The following HPSE2 variants were observed in gnomAD, a reference collection of about 807,000 sequenced individuals.
The protein encoded by HPSE2 is heparanase 2 (inactive).
Under a neutral mutation model 60.5 loss-of-function variants are expected in HPSE2, and 38 were observed. The observed-to-expected ratio is 0.63, with a 90% CI of 0.48 to 0.82. HPSE2 has a LOEUF of 0.82. Among genes scored for constraint, HPSE2 ranks in the 40% least tolerant of loss-of-function variants. The pLI, the probability that HPSE2 is intolerant of heterozygous loss-of-function variation, is 0.00. For missense variants in HPSE2, 713 were observed against 740.4 expected, an observed-to-expected ratio of 0.96 and a Z score of 0.43; for synonymous variants, 295 against 293.2, an observed-to-expected ratio of 1.01 and a Z score of -0.06.
At chr10:99,013,396 G>C in intron 3 of HPSE2, 1 of 549,234 alleles carries the variant, frequency 1.8e-6, no homozygotes, top group Non-Finnish European at 3.4e-6. Flanking sequence ...TGTTAGTATA[G>C]TAAGTGTTTC....
At chr10:98,571,596 C>T (rs939868649) in intron 9 of HPSE2, among the ~76,000 whole-genome samples, 2 of 150,888 alleles carry the variant, frequency 1.3e-5, no homozygotes, top group Non-Finnish European at 2.9e-5. Context: ...CCTAACATAT[C>T]CATAGTAGAC....
intron 9 of HPSE2, among the ~76,000 whole-genome samples, chr10:98,558,875 GCTTA>G (rs1185806158): frequency 6.6e-6 from 1 of 152,106 alleles, no homozygotes; most frequent in Non-Finnish European, 1.5e-5. Flanking sequence ...GTTCATAGTG[GCTTA>G]CTTCTAAGAA....
At chr10:99,050,344 G>A (rs1003033089) in intron 3 of HPSE2, among the ~76,000 whole-genome samples, 1 of 151,718 alleles carries the variant, frequency 6.6e-6, no homozygotes, top group African/African-American at 2.4e-5. Flanking sequence ...AACAAGTGTT[G>A]GTAAGAATGT....
At chr10:98,465,826 T>C (rs1940505224) in intron 11 of HPSE2, among the ~76,000 whole-genome samples, 1 of 152,268 alleles carries the variant, frequency 6.6e-6, no homozygotes. Context: ...CCTGAACTGC[T>C]GAGGGTATTT....
At chr10:98,713,250 CA>C (rs777246708) in intron 5 of HPSE2, among the ~76,000 whole-genome samples, 5 of 152,002 alleles carry the variant, frequency 3.3e-5, no homozygotes, top group Non-Finnish European at 7.4e-5. Flanking sequence ...CAAGAGATTA[CA>C]TTTTATTCTA....
chr10:98,969,944 G>A (rs1349709658), intron 3 of HPSE2, among the ~76,000 whole-genome samples: 1 of 150,082 alleles, frequency 6.7e-6, no homozygotes, highest in Non-Finnish European at 1.5e-5. Flanking sequence ...GGAGCAAGAG[G>A]TGGGGAACAG....
At chr10:99,267,160 C>A in the HPSE2 span, among the ~76,000 whole-genome samples, 4 of 152,022 alleles carry the variant, frequency 2.6e-5, no homozygotes, top group African/African-American at 9.7e-5. Flanking sequence ...AAGACGAAAT[C>A]CCTGAATTAC....
upstream of HPSE2, among the ~76,000 whole-genome samples, chr10:99,238,933 G>T (rs937337358): frequency 6.6e-6 from 1 of 152,116 alleles, no homozygotes; most frequent in African/African-American, 2.4e-5. Flanking sequence ...GCCAAGGCAG[G>T]CGGATCACCT....
intron 6 of HPSE2, among the ~76,000 whole-genome samples, chr10:98,660,922 C>T (rs1184003426): frequency 1.3e-5 from 2 of 152,186 alleles, no homozygotes; most frequent in Non-Finnish European, 2.9e-5. Flanking sequence ...GTTCCATTAT[C>T]CTAATTTTCA....
chr10:98,805,793 A>G (rs1951029157), intron 3 of HPSE2, among the ~76,000 whole-genome samples: 1 of 152,186 alleles, frequency 6.6e-6, no homozygotes, highest in Non-Finnish European at 1.5e-5. Context: ...TTAGACACCC[A>G]GTGGCAAATG....
chr10:99,285,075 G>A, the HPSE2 span, among the ~76,000 whole-genome samples: 1 of 151,904 alleles, frequency 6.6e-6, no homozygotes, highest in East Asian at 1.9e-4. Flanking sequence ...AGAATCAGGG[G>A]CACATGTGCA....
intron 3 of HPSE2, among the ~76,000 whole-genome samples, chr10:98,860,919 T>G (rs1268282840): frequency 1.3e-5 from 2 of 152,172 alleles, no homozygotes; most frequent in African/African-American, 4.8e-5. Context: ...CTTAGGCACA[T>G]ACATAAACAA....
chr10:98,813,870 A>C (rs837746), intron 3 of HPSE2, among the ~76,000 whole-genome samples: 8,503 of 152,294 alleles, frequency 0.056, 757 homozygotes, highest in African/African-American at 0.19. Context: ...AAAACATATT[A>C]AATTCAGAGG....
intron 5 of HPSE2, among the ~76,000 whole-genome samples, chr10:98,718,118 A>G (rs975625491): frequency 1.3e-5 from 2 of 152,172 alleles, no homozygotes; most frequent in South Asian, 2.1e-4. Context: ...TAAAATTGTC[A>G]TTACATAGAT....
At chr10:99,218,280 T>C (rs1033996539) in intron 2 of HPSE2, among the ~76,000 whole-genome samples, 1 of 150,584 alleles carries the variant, frequency 6.6e-6, no homozygotes, top group Non-Finnish European at 1.5e-5. Context: ...AAACTCAGAA[T>C]GTCAGGTAAG....
intron 7 of HPSE2, among the ~76,000 whole-genome samples, chr10:98,633,208 T>C (rs1314305240): frequency 6.6e-6 from 1 of 152,214 alleles, no homozygotes; most frequent in African/African-American, 2.4e-5. Context: ...TATTCCCTTT[T>C]TATTTTTGGA....
At chr10:98,788,599 T>C (rs1298258311) in intron 3 of HPSE2, among the ~76,000 whole-genome samples, 2 of 152,144 alleles carry the variant, frequency 1.3e-5, no homozygotes, top group Non-Finnish European at 2.9e-5. Flanking sequence ...TTAGCGAGAT[T>C]CCGTGGGCGT....
At chr10:98,780,053 T>C (rs992489124) in intron 3 of HPSE2, among the ~76,000 whole-genome samples, 3 of 151,976 alleles carry the variant, frequency 2.0e-5, no homozygotes, top group African/African-American at 7.3e-5. Flanking sequence ...TGAACTAAAA[T>C]TGTTTTCTCT....
chr10:99,055,454 T>C (rs1217669394), intron 3 of HPSE2, among the ~76,000 whole-genome samples: 1 of 151,954 alleles, frequency 6.6e-6, no homozygotes, highest in Non-Finnish European at 1.5e-5. Context: ...TATTGGAAAA[T>C]ATAAAAGCCT....
Sources: allele counts gnomAD v4.1 joint callset (sites outside exome capture counted in the v4.1 genomes callset), GRCh38; gene constraint gnomAD v4.1.1; transcripts MANE v1.5; gene names NCBI Gene and HGNC (gene_info 2026-07-23, HGNC 2026-07-21).